KDM1B: variants seen among roughly 807,000 people sequenced by gnomAD.
KDM1B encodes lysine demethylase 1B.
In KDM1B, 63 loss-of-function variants were observed where a neutral mutation model predicts 107.4. The observed-to-expected ratio is 0.59, with a 90% CI of 0.48 to 0.72. The LOEUF (loss-of-function observed/expected upper bound fraction) is 0.72, where lower values mean the gene tolerates loss of function less well. Ranked by LOEUF, KDM1B falls within the 30% of genes least tolerant of loss-of-function variation. The pLI is 0.00. For missense variants in KDM1B, 749 were observed against 1,020.8 expected, an observed-to-expected ratio of 0.73 and a Z score of 3.63; for synonymous variants, 363 against 363.9, an observed-to-expected ratio of 1.00 and a Z score of 0.03.
At position 18,179,867 on chromosome 6, in the gene KDM1B, T is replaced by C. The variant is rs1197241388; in HGVS notation, c.535-5905T>C. Among the ~76,000 whole-genome samples the C allele has an allele frequency of 5.9e-5, 8 of 135,316 alleles. No homozygotes were observed. The East Asian group carries it at 1.7e-3, about 29-fold the overall frequency. 88.8% of individuals were successfully genotyped at this position (135,316 alleles called of 152,430 possible). On this transcript the variant is annotated intron_variant, in intron 7 of 21. Transcript: ENST00000650836. The stretch of plus-strand genomic sequence containing the variant: ...TTTTTTTCCTTTTTTTTTTTTTTTT[T>C]TTTTTTTTTTTCATAAGGCAGGGTC...
At position 18,222,045 on chromosome 6, in the gene KDM1B, A is replaced by C; in HGVS notation, c.*53A>C. The C allele has an allele frequency of 6.7e-7, 1 of 1,491,054 alleles. No individual in the cohort carries two copies. The highest frequency in any genetic ancestry group is 9.4e-7 in the Non-Finnish European group (1 of 1,067,830). The allele number at this position is 1,491,054 out of a possible 1,614,324, so 92.4% of individuals were successfully genotyped here. On this transcript the variant is annotated 3_prime_UTR_variant, in exon 22 of 22. Coordinates refer to ENST00000650836, the MANE Select transcript of KDM1B (RefSeq NM_001364614.2). ...TACCCCAGATGGGGAAATTTGAATC[A>C]CATGTTAAACCTCAGTTTTATAAGA...
chr6:18,182,819 CTG>C (rs943965152), intron 7 of KDM1B, among the ~76,000 whole-genome samples: 15 of 152,204 alleles, frequency 9.9e-5, no homozygotes, highest in Middle Eastern at 3.2e-3. Context: ...GTGTGAGCCA[CTG>C]TGCTTAGCCC....
At chr6:18,217,939 T>G in intron 21 of KDM1B, 54 bp downstream of exon 21, 1 of 1,567,998 alleles carries the variant, frequency 6.4e-7, no homozygotes, top group Non-Finnish European at 8.7e-7. Flanking sequence ...CTGTCTTTCA[T>G]CTAAAATGAT....
rs1788919613 is a variant in KDM1B, at chr6:18,212,519, A to G, written c.1898A>G (p.Gln633Arg). 8.1e-6 allele frequency: 13 copies of G among 1,614,004 alleles called. No homozygotes were observed. Among genetic ancestry groups the G allele is most frequent in the Non-Finnish European group, 1.1e-5 (13 of 1,179,824 alleles). ...VLVTVPLALLQKGAIQFNPPL... is the reference protein window; with the variant it reads ...VLVTVPLALLRKGAIQFNPPL... Reference sequence around the variant, plus strand: ...GTCACTGTACCACTGGCTTTACTACAGAAAGGTGCCATTCAGTTTAATCCA... The same window carrying G: ...GTCACTGTACCACTGGCTTTACTACGGAAAGGTGCCATTCAGTTTAATCCA... Residue 633 changes from glutamine to arginine, a missense_variant, in exon 18 of 22, where the codon CAG becomes CGG. Gln to Arg is a conservative substitution (Grantham distance 43). Transcript: ENST00000650836. The surrounding 1 kb of genome is among the most constrained non-coding windows in gnomAD (Gnocchi z 5.2).
chr6:18,206,725 T>A (rs1471291982), intron 15 of KDM1B, among the ~76,000 whole-genome samples: 2 of 152,118 alleles, frequency 1.3e-5, no homozygotes, highest in Non-Finnish European at 2.9e-5. Context: ...GCACCAGGAC[T>A]TGTCTCTTTA....
At chr6:18,210,590 G>T (rs995016345) in intron 17 of KDM1B, among the ~76,000 whole-genome samples, 1 of 151,742 alleles carries the variant, frequency 6.6e-6, no homozygotes, top group Non-Finnish European at 1.5e-5. Flanking sequence ...TGAACTCGTG[G>T]TCTTAAGCAA....
chr6:18,156,144 A>G (rs1013587150), intron 2 of KDM1B, among the ~76,000 whole-genome samples: 1 of 152,204 alleles, frequency 6.6e-6, no homozygotes, highest in Non-Finnish European at 1.5e-5. Flanking sequence ...CAGGTGTTGT[A>G]GTAATTCTCT....
At chr6:18,192,439 A>G (rs1271537998) in intron 10 of KDM1B, among the ~76,000 whole-genome samples, 1 of 152,236 alleles carries the variant, frequency 6.6e-6, no homozygotes, top group Admixed American at 6.5e-5. Context: ...CCAGAATGAA[A>G]TGACATAACC....
In KDM1B at chr6:18,209,829, T is replaced by G. The variant is rs1489212192; in HGVS notation, c.1866+1623T>G. Among the ~76,000 whole-genome samples the G allele has an allele frequency of 8.5e-5, 13 of 152,212 alleles. No individual in the cohort carries two copies. The highest frequency in any genetic ancestry group is 2.9e-5 in the Non-Finnish European group (2 of 68,040). ...CAGTGTGCAGCCGTGGTTGAGAACC[T>G]TGTCTGCAGTGACCTTTTCTGTAAG... On this transcript the variant is annotated intron_variant, in intron 17 of 21. Transcript: ENST00000650836. This position sits in a 1 kb window ranked among gnomAD's most constrained non-coding sequence, Gnocchi z 4.3.
intron 7 of KDM1B, among the ~76,000 whole-genome samples, chr6:18,176,213 G>C (rs183748881): frequency 6.6e-6 from 1 of 152,082 alleles, no homozygotes; most frequent in Non-Finnish European, 1.5e-5. Flanking sequence ...TTATTTTGCA[G>C]CTATTGGTAA....
rs1787718164 is a variant in KDM1B at position 18,197,360 on chromosome 6, G to A, written c.1146+127G>A. 1 of 946,400 alleles carries A rather than the reference G, an allele frequency of 1.1e-6. No homozygotes were observed. The highest frequency in any genetic ancestry group is 1.6e-6 in the Non-Finnish European group (1 of 642,068). The allele number at this position is 946,400 out of a possible 1,614,324, so 58.6% of individuals were successfully genotyped here. On this transcript the variant is annotated intron_variant, in intron 11 of 21. Transcript: ENST00000650836. The surrounding 1 kb of genome is among the most constrained non-coding windows in gnomAD (Gnocchi z 4.5). ...ACTTAACAGAAGCAAGGCTTTCGCA[G>A]AATGTGTTTCTCCTGAAAGGAGAAT... is the stretch of plus-strand genomic sequence containing the variant.
Position 18,205,122 on chromosome 6 carries a change from C to T in KDM1B, c.1532-415C>T, listed in dbSNP as rs1788286192. On this transcript the variant is annotated intron_variant, in intron 14 of 21. Coordinates refer to ENST00000650836, the MANE Select transcript of KDM1B (RefSeq NM_001364614.2). The surrounding 1 kb of genome is among the most constrained non-coding windows in gnomAD (Gnocchi z 5.7). ...TGAGGTGAGATGTTGTAAGCATTGA[C>T]TTTAAGGTGATGGCAGCAGGACCAG... is the stretch of plus-strand genomic sequence containing the variant. Among the ~76,000 whole-genome samples the T allele has an allele frequency of 6.6e-6, 1 of 152,116 alleles. No individual in the cohort carries two copies. The highest frequency in any genetic ancestry group is 1.5e-5 in the Non-Finnish European group (1 of 68,018).
intron 21 of KDM1B, among the ~76,000 whole-genome samples, chr6:18,221,104 CTA>C (rs1045480427): frequency 2.6e-5 from 4 of 152,036 alleles, no homozygotes; most frequent in Non-Finnish European, 5.9e-5. Context: ...CCACTAGTCA[CTA>C]TATTCCTGCT....
Position 18,222,755 on chromosome 6 carries a change from T to C in KDM1B, c.*763T>C, listed in dbSNP as rs1789859363. On this transcript the variant is annotated 3_prime_UTR_variant, in exon 22 of 22. Transcript: ENST00000650836. ...AATATAGCTTTTTCTTAAAGCCAAA[T>C]TTGGGTGATAGGACACTTTAAATAT... 1 of 152,480 alleles carries C rather than the reference T, an allele frequency of 6.6e-6. No individual in the cohort carries two copies. Among genetic ancestry groups the C allele is most frequent in the South Asian group, 2.1e-4 (1 of 4,832 alleles). 9.4% of individuals were successfully genotyped at this position (152,480 alleles called of 1,614,324 possible).
At chr6:18,156,636 G>GAATATTGAATAATTC (rs1561898784) in intron 2 of KDM1B, among the ~76,000 whole-genome samples, 1 of 152,072 alleles carries the variant, frequency 6.6e-6, no homozygotes, top group African/African-American at 2.4e-5. Flanking sequence ...ACTGCATGTT[G>GAATATTGAATAATTC]AATATTGAAT....
At position 18,217,784 on chromosome 6, in the gene KDM1B, T is replaced by C; in HGVS notation, c.2284T>C (p.Trp762Arg). The change falls in exon 21 of 22, where the codon TGG becomes CGG. Residue 762 changes from tryptophan (W) to arginine (R), a missense_variant. Transcript: ENST00000650836. ...YFVTRWSTDP[W>R]IQMAYSFVKT... Reference sequence around the variant, plus strand: ...TGTCACTCGGTGGAGCACAGACCCATGGATCCAGATGGCATACAGTTTTGT... The same window carrying C: ...TGTCACTCGGTGGAGCACAGACCCACGGATCCAGATGGCATACAGTTTTGT... 1 of 1,613,968 alleles carries C rather than the reference T, an allele frequency of 6.2e-7. No homozygotes were observed. The highest frequency in any genetic ancestry group is 8.5e-7 in the Non-Finnish European group (1 of 1,179,918).
At chr6:18,168,952 A>G (rs905543117) in intron 6 of KDM1B, among the ~76,000 whole-genome samples, 1 of 151,788 alleles carries the variant, frequency 6.6e-6, no homozygotes, top group Non-Finnish European at 1.5e-5. Flanking sequence ...GCTCGCTGCA[A>G]CCTCTGCCTT....
At chr6:18,181,947 T>C (rs1188571166) in intron 7 of KDM1B, among the ~76,000 whole-genome samples, 1 of 152,238 alleles carries the variant, frequency 6.6e-6, no homozygotes, top group Non-Finnish European at 1.5e-5. Context: ...TTTTGTTAAT[T>C]ATTTTCTATA....
At chr6:18,184,569 G>A (rs1354609099) in intron 7 of KDM1B, among the ~76,000 whole-genome samples, 3 of 151,448 alleles carry the variant, frequency 2.0e-5, no homozygotes, top group South Asian at 4.2e-4. Flanking sequence ...GCCACTGCAC[G>A]GGGCCTGTTC....
Sources: gnomAD v4.1 joint callset for allele counts (sites outside exome capture counted in the v4.1 genomes callset) on GRCh38, gnomAD v4.1.1 for gene constraint, Gnocchi (gnomAD v3.1) non-coding constraint, MANE v1.5 for transcripts, NCBI Gene and HGNC (gene_info 2026-07-23, HGNC 2026-07-21) for gene names.